Variants in C4orf54 observed in about 807,000 individuals in gnomAD.
C4orf54 encodes the protein uncharacterized protein C4orf54.
Under a neutral mutation model 80.1 loss-of-function variants are expected in C4orf54, and 67 were observed. The ratio of observed to expected loss-of-function variants is 0.84; its 90% CI spans 0.69 to 1.03. The LOEUF is 1.03. C4orf54 is among the 50% of genes least tolerant of loss of function. The pLI, the probability that C4orf54 is intolerant of heterozygous loss-of-function variation, is 0.00. For synonymous variants in C4orf54, 1,000 were observed against 917.0 expected, an observed-to-expected ratio of 1.09 and a Z score of -1.64; for missense variants, 2,434 against 2,253.5, an observed-to-expected ratio of 1.08 and a Z score of -1.62.
At chr4:99,647,060 T>C (rs1416876580) in intron 2 of C4orf54, among the ~76,000 whole-genome samples, 3 of 152,240 alleles carry the variant, frequency 2.0e-5, no homozygotes, top group Non-Finnish European at 4.4e-5. Flanking sequence ...TTTAGGGCTT[T>C]ATTTACTAAA....
rs1332633093 is a variant in C4orf54, at chr4:99,652,012, G to A, written c.2637C>T (p.Val879=). 4.6e-6 allele frequency: 7 copies of A among 1,536,028 alleles called. No homozygotes were observed. The highest frequency in any genetic ancestry group is 6.1e-6 in the Non-Finnish European group (7 of 1,146,924). Residue 879 remains valine (V), a synonymous_variant, in exon 2 of 3, where the codon GTC becomes GTT. Coordinates refer to ENST00000511828, the MANE Select transcript of C4orf54 (RefSeq NM_001354435.2). ...HSEAGSEYTV[V]SMSDAGGEGS... ...CCTCCCCGCCCGCGTCGGACATGCT[G>A]ACCACTGTGTACTCGGAGCCGGCCT... is the stretch of plus-strand genomic sequence containing the variant.
chr4:99,642,910 A>G (rs1726630428), intron 2 of C4orf54, among the ~76,000 whole-genome samples: 1 of 152,216 alleles, frequency 6.6e-6, no homozygotes, highest in South Asian at 2.1e-4. Context: ...GTTGTATAAC[A>G]TTCTGGAAGG....
chr4:99,650,001 G>C lies in C4orf54; in HGVS notation c.4648C>G (p.Gln1550Glu). 1 of 1,535,500 alleles carries C rather than the reference G, an allele frequency of 6.5e-7. No homozygotes were observed. The highest frequency in any genetic ancestry group is 8.7e-7 in the Non-Finnish European group (1 of 1,146,590). ...RETVAAPPGPQSPEHPPTTIY... is the reference protein window; with the variant it reads ...RETVAAPPGPESPEHPPTTIY... Reference sequence around the variant, plus strand: ...GTGGTGGGGGGATGCTCGGGGCTCTGTGGCCCTGGGGGGGCAGCTACTGTC... The same window carrying C: ...GTGGTGGGGGGATGCTCGGGGCTCTCTGGCCCTGGGGGGGCAGCTACTGTC... Residue 1550 changes from glutamine to glutamate, a missense_variant, in exon 2 of 3, where the codon CAG becomes GAG. Physicochemically the swap from Gln to Glu is conservative, Grantham distance 29. Transcript: ENST00000511828.
intron 1 of C4orf54, among the ~76,000 whole-genome samples, chr4:99,655,607 C>T (rs570488326): frequency 7.2e-5 from 11 of 152,302 alleles, no homozygotes; most frequent in Non-Finnish European, 1.2e-4. Flanking sequence ...CCAAAATCCC[C>T]GTTCACTGGC....
chr4:99,646,868 A>AAAAG, intron 2 of C4orf54, among the ~76,000 whole-genome samples: 1 of 152,326 alleles, frequency 6.6e-6, no homozygotes, highest in South Asian at 2.1e-4. Context: ...TTACACAAGG[A>AAAAG]AAAGAATTAC....
At position 99,650,088 on chromosome 4, in the gene C4orf54, C is replaced by T. The variant is rs1726778354; in HGVS notation, c.4561G>A (p.Gly1521Ser). The change falls in exon 2 of 3, where the codon GGC becomes AGC. Residue 1521 changes from glycine (G) to serine (S), a missense_variant. Gly to Ser is a moderately conservative substitution (Grantham distance 56). Coordinates refer to ENST00000511828, the MANE Select transcript of C4orf54 (RefSeq NM_001354435.2). ...ARSQVPSSSK[G>S]SQVSGTSRPA... ...CGGCTGGTTCCACTAACCTGAGAGC[C>T]TTTGGAGCTACTGGGGACCTGACTG... 3 of 1,535,840 alleles carry T rather than the reference C, an allele frequency of 2.0e-6. No homozygotes were observed. Among genetic ancestry groups the T allele is most frequent in the Admixed American group, 3.9e-5 (2 of 50,986 alleles).
intron 2 of C4orf54, among the ~76,000 whole-genome samples, chr4:99,646,439 A>C (rs890814457): frequency 6.6e-6 from 1 of 152,228 alleles, no homozygotes; most frequent in Non-Finnish European, 1.5e-5. Flanking sequence ...GTTAATGGCC[A>C]AATGCCACCA....
rs1258013170 is a variant in C4orf54, at chr4:99,653,619, T to TTCCATCTCCTGCCCCTCC, written c.1012_1029dup (p.Gly338_Gly343dup). 1.3e-6 allele frequency: 2 copies of TTCCATCTCCTGCCCCTCC among 1,535,888 alleles called. No homozygotes were observed. Among genetic ancestry groups the TTCCATCTCCTGCCCCTCC allele is most frequent in the Admixed American group, 3.9e-5 (2 of 50,978 alleles). ...TTGGCAATAATGTCCCTGCACTCTG[T>TTCCATCTCCTGCCCCTCC]TCCATCTCCTGCCCCTCCTCCCCCT... On this transcript the variant is annotated inframe_insertion, in exon 2 of 3. Coordinates refer to ENST00000511828, the MANE Select transcript of C4orf54 (RefSeq NM_001354435.2).
rs1726561575 is a variant in C4orf54 at position 99,639,139 on chromosome 4, C to T, written c.*2094G>A. 6.6e-6 allele frequency: 1 copy of T among 152,154 alleles called. No individual in the cohort carries two copies. Among genetic ancestry groups the T allele is most frequent in the Admixed American group, 6.6e-5 (1 of 15,258 alleles). The allele number at this position is 152,154 out of a possible 1,614,324, so 9.4% of individuals were successfully genotyped here. On this transcript the variant is annotated 3_prime_UTR_variant, in exon 3 of 3. Transcript: ENST00000511828. ...TGGAAGAGTTGGTGAGCAGTCACTA[C>T]TCAACATGGCCACTGGTTTTTCCTG... is the stretch of plus-strand genomic sequence containing the variant.
In C4orf54 at chr4:99,654,226, T is replaced by C; in HGVS notation, c.423A>G (p.Gln141=). Reference sequence around the variant, plus strand: ...GAGGGGCAGCTTCCATTATGAGCCCTTGCCCAGGTTTCAGCGACAGGAAGA... The same window carrying C: ...GAGGGGCAGCTTCCATTATGAGCCCCTGCCCAGGTTTCAGCGACAGGAAGA... The part of the protein sequence containing the change: ...HCLFLSLKPG[Q]GLIMEAAPPE... The change falls in exon 2 of 3, where the codon CAA becomes CAG. Residue 141 remains glutamine, a synonymous_variant. Transcript: ENST00000511828. 6.5e-7 allele frequency: 1 copy of C among 1,536,152 alleles called. No individual in the cohort carries two copies. The highest frequency in any genetic ancestry group is 8.7e-7 in the Non-Finnish European group (1 of 1,146,910).
intron 2 of C4orf54, among the ~76,000 whole-genome samples, chr4:99,644,612 C>A (rs1036837470): frequency 2.0e-5 from 3 of 152,018 alleles, no homozygotes; most frequent in African/African-American, 7.2e-5. Context: ...GGCCTGCATG[C>A]ACCGGAGCAG....
rs1356006639 is a variant in C4orf54, at chr4:99,640,154, CAG to C, written c.*1077_*1078del. ...CTTCAGAATTGGGTTACAACTGAGA[CAG>C]TACTAAATGTCAATAAAAGATTCTG... On this transcript the variant is annotated 3_prime_UTR_variant, in exon 3 of 3. Transcript: ENST00000511828. 1 of 152,154 alleles carries C rather than the reference CAG, an allele frequency of 6.6e-6. No homozygotes were observed. The highest frequency in any genetic ancestry group is 2.4e-5 in the African/African-American group (1 of 41,448). 9.4% of individuals were successfully genotyped at this position (152,154 alleles called of 1,614,324 possible).
At chr4:99,654,764 T>C in intron 1 of C4orf54, 85 bp from the exon 2 acceptor site, 1 of 597,552 alleles carries the variant, frequency 1.7e-6, no homozygotes, top group East Asian at 2.8e-5. Context: ...CACTTGAGGG[T>C]AGAAAGAAGA....
At position 99,640,486 on chromosome 4, in the gene C4orf54, T is replaced by G. The variant is rs1726587990; in HGVS notation, c.*747A>C. Reference sequence around the variant, plus strand: ...TATTTTATACCTTTCTGAGACTAAGTACTTAATTTTAGATGCAATCATTGG... The same window carrying G: ...TATTTTATACCTTTCTGAGACTAAGGACTTAATTTTAGATGCAATCATTGG... On this transcript the variant is annotated 3_prime_UTR_variant, in exon 3 of 3. Transcript: ENST00000511828. 1 of 152,212 alleles carries G rather than the reference T, an allele frequency of 6.6e-6. No homozygotes were observed. Among genetic ancestry groups the G allele is most frequent in the Non-Finnish European group, 1.5e-5 (1 of 68,024 alleles). 9.4% of individuals were successfully genotyped at this position (152,212 alleles called of 1,614,324 possible).
In C4orf54 at chr4:99,650,521, G is replaced by A. The variant is rs1289882509; in HGVS notation, c.4128C>T (p.His1376=). 6.5e-7 allele frequency: 1 copy of A among 1,535,992 alleles called. No homozygotes were observed. Among genetic ancestry groups the A allele is most frequent in the Non-Finnish European group, 8.7e-7 (1 of 1,146,904 alleles). Reference sequence around the variant, plus strand: ...GGGGTTGGGTTCTCTCTACATCCTTGTGGACTGGGGGAATATAGAGAGATC... The same window carrying A: ...GGGGTTGGGTTCTCTCTACATCCTTATGGACTGGGGGAATATAGAGAGATC... ...RPRSLYIPPV[H]KDVERTQPLQ... Residue 1376 remains histidine, a synonymous_variant, in exon 2 of 3, where the codon CAC becomes CAT. Coordinates refer to ENST00000511828, the MANE Select transcript of C4orf54 (RefSeq NM_001354435.2).
rs1370258613 is a variant in C4orf54 at position 99,651,859 on chromosome 4, C to A, written c.2790G>T (p.Glu930Asp). ...EVCEIKKSAS[E>D]TVKGIFLRSQ... is the part of the protein sequence containing the mutation. ...TACGGAGGAAGATGCCCTTGACGGT[C>A]TCTGAGGCACTCTTTTTAATTTCAC... is the stretch of plus-strand genomic sequence containing the variant. The change falls in exon 2 of 3, where the codon GAG becomes GAT. Residue 930 changes from glutamate (E) to aspartate (D), a missense_variant. Glu to Asp is a conservative substitution (Grantham distance 45). Transcript: ENST00000511828. The A allele has an allele frequency of 1.3e-6, 2 of 1,535,996 alleles. No homozygotes were observed. The highest frequency in any genetic ancestry group is 2.4e-5 in the East Asian group (1 of 40,922).
chr4:99,648,306 C>T (rs533559001), intron 2 of C4orf54, among the ~76,000 whole-genome samples: 3 of 152,088 alleles, frequency 2.0e-5, no homozygotes, highest in Non-Finnish European at 4.4e-5. Context: ...TCCAGGGATT[C>T]CTGTTTGGAC....
chr4:99,651,577 G>A lies in C4orf54; in HGVS notation c.3072C>T (p.Pro1024=). Residue 1024 remains proline (P), a synonymous_variant, in exon 2 of 3, where the codon CCC becomes CCT. Coordinates refer to ENST00000511828, the MANE Select transcript of C4orf54 (RefSeq NM_001354435.2). The stretch of plus-strand genomic sequence containing the variant: ...GCCGGATCTTGATTTCGGGAGCCTT[G>A]GGTCTGATCACCGCTGTGGAGGTGG... ...AQATSTAVIR[P]KAPEIKIRLG... is the part of the protein sequence containing the mutation. 2 of 1,536,118 alleles carry A rather than the reference G, an allele frequency of 1.3e-6. No homozygotes were observed. The highest frequency in any genetic ancestry group is 1.7e-6 in the Non-Finnish European group (2 of 1,146,900).
Position 99,651,195 on chromosome 4 carries a change from C to A in C4orf54, c.3454G>T (p.Val1152Leu). Residue 1152 changes from valine to leucine, a missense_variant, in exon 2 of 3, where the codon GTG becomes TTG. Val to Leu is a conservative substitution (Grantham distance 32). Coordinates refer to ENST00000511828, the MANE Select transcript of C4orf54 (RefSeq NM_001354435.2). The part of the protein sequence containing the change: ...AGGSGSLSPM[V>L]ITCQAVVNQR... ...TTCACTACAGCCTGGCATGTAATCA[C>A]CATGGGGGACAGGGATCCAGATCCG... The A allele has an allele frequency of 6.5e-7, 1 of 1,536,170 alleles. No homozygotes were observed. The highest frequency in any genetic ancestry group is 1.2e-5 in the South Asian group (1 of 84,064).
Sources: allele counts gnomAD v4.1 joint callset (sites outside exome capture counted in the v4.1 genomes callset), GRCh38; gene constraint gnomAD v4.1.1; transcripts MANE v1.5; gene names NCBI Gene and HGNC (gene_info 2026-07-23, HGNC 2026-07-21).